Variants in STK32B observed in about 807,000 individuals in gnomAD.
STK32B encodes the protein serine/threonine kinase 32B, also known as serine/threonine-protein kinase 32B.
In STK32B, 43 loss-of-function variants were observed where a neutral mutation model predicts 52.6. The ratio of observed to expected loss-of-function variants is 0.82; its 90% CI spans 0.64 to 1.05. The LOEUF is 1.05. Ranked by LOEUF, STK32B falls within the 50% of genes least tolerant of loss-of-function variation. The pLI, the probability that STK32B is intolerant of heterozygous loss-of-function variation, is 0.00. For synonymous variants in STK32B, 238 were observed against 204.3 expected, an observed-to-expected ratio of 1.17 and a Z score of -1.41; for missense variants, 621 against 534.6, an observed-to-expected ratio of 1.16 and a Z score of -1.59.
intron 2 of STK32B, among the ~76,000 whole-genome samples, chr4:5,144,522 A>ATACTTGTGTATACTG (rs1716752555): frequency 1.3e-5 from 2 of 152,180 alleles, no homozygotes; most frequent in Non-Finnish European, 2.9e-5. Flanking sequence ...TGGGACAGGC[A>ATACTTGTGTATACTG]GGGCTGTTGT....
chr4:5,272,510 C>T (rs1446858219), intron 3 of STK32B, among the ~76,000 whole-genome samples: 1 of 149,458 alleles, frequency 6.7e-6, no homozygotes, highest in African/African-American at 2.5e-5. Context: ...CAGAATGATG[C>T]TGGCCTCATA....
intron 6 of STK32B, among the ~76,000 whole-genome samples, chr4:5,441,337 A>G (rs1390602123): frequency 1.3e-5 from 2 of 149,910 alleles, no homozygotes; most frequent in African/African-American, 4.9e-5. Flanking sequence ...GTCTTGGGAG[A>G]GTGTATGTGT....
intron 3 of STK32B, among the ~76,000 whole-genome samples, chr4:5,265,838 C>T (rs1190594612): frequency 6.6e-6 from 1 of 151,956 alleles, no homozygotes; most frequent in Non-Finnish European, 1.5e-5. Context: ...TTTTCCTTGT[C>T]ATAGCATTGT....
intron 11 of STK32B, among the ~76,000 whole-genome samples, chr4:5,498,182 C>T (rs565893414): frequency 4.5e-4 from 68 of 152,284 alleles, no homozygotes; most frequent in African/African-American, 1.6e-3. Context: ...CCTCCTTAAA[C>T]GTCTCCATTC....
chr4:5,500,794 C>T lies in STK32B; in HGVS notation c.*1711C>T, dbSNP rs1560103380. 6.6e-6 allele frequency: 1 copy of T among 152,154 alleles called. No individual in the cohort carries two copies. The highest frequency in any genetic ancestry group is 1.5e-5 in the Non-Finnish European group (1 of 68,032). 9.4% of individuals were successfully genotyped at this position (152,154 alleles called of 1,614,324 possible). ...TGTCCCCATCAACAACCGTCCTGCT[C>T]CCCACCTCCCCCAGGAAATAAGGGG... On this transcript the variant is annotated 3_prime_UTR_variant, in exon 12 of 12. Transcript: ENST00000282908.
At chr4:5,066,674 A>C (rs1307768712) in intron 1 of STK32B, among the ~76,000 whole-genome samples, 1 of 152,170 alleles carries the variant, frequency 6.6e-6, no homozygotes, top group Non-Finnish European at 1.5e-5. Flanking sequence ...ACTGTCCCAT[A>C]AACTTAGCTA....
At chr4:5,438,937 A>T (rs940440399) in intron 6 of STK32B, among the ~76,000 whole-genome samples, 1 of 151,636 alleles carries the variant, frequency 6.6e-6, no homozygotes, top group African/African-American at 2.4e-5. Context: ...TGAACTCATC[A>T]TTTTTTATGG....
At chr4:5,289,564 A>G (rs1728755721) in intron 3 of STK32B, among the ~76,000 whole-genome samples, 1 of 152,044 alleles carries the variant, frequency 6.6e-6, no homozygotes, top group African/African-American at 2.4e-5. Flanking sequence ...TGAAAATGTG[A>G]TAACTCTTTA....
intron 1 of STK32B, among the ~76,000 whole-genome samples, chr4:5,069,139 G>C (rs1711601206): frequency 6.6e-6 from 1 of 151,920 alleles, no homozygotes; most frequent in African/African-American, 2.4e-5. Context: ...GGTCTGCAAG[G>C]TATGCCCAGC....
In STK32B at chr4:5,332,134, C is replaced by G. The variant is rs79674612; in HGVS notation, c.434+741C>G. On this transcript the variant is annotated intron_variant, in intron 4 of 11. Coordinates refer to ENST00000282908, the MANE Select transcript of STK32B (RefSeq NM_018401.3). Reference sequence around the variant, plus strand: ...TTGGAAAAGATGAGGACTTGAACTTCTAGGTAAAGATGACAGATTAAGCAT... The same window carrying G: ...TTGGAAAAGATGAGGACTTGAACTTGTAGGTAAAGATGACAGATTAAGCAT... 4.0e-3 allele frequency among the ~76,000 whole-genome samples: 606 copies of G among 152,240 alleles called. 1 individual carries two copies. Among genetic ancestry groups the G allele is most frequent in the African/African-American group, 0.013 (534 of 41,546 alleles).
At chr4:5,465,172 C>G (rs1208686349) in intron 9 of STK32B, among the ~76,000 whole-genome samples, 15 of 152,118 alleles carry the variant, frequency 9.9e-5, no homozygotes, top group Non-Finnish European at 1.3e-4. Context: ...CTCCATTAGC[C>G]CACGAATGAC....
At chr4:5,431,817 C>A (rs1282464384) in intron 6 of STK32B, among the ~76,000 whole-genome samples, 2 of 152,206 alleles carry the variant, frequency 1.3e-5, no homozygotes, top group African/African-American at 4.8e-5. Flanking sequence ...AATATGTAAG[C>A]GTGTGACACC....
At chr4:5,445,842 C>A (rs1416164023) in intron 6 of STK32B, among the ~76,000 whole-genome samples, 2 of 151,946 alleles carry the variant, frequency 1.3e-5, no homozygotes, top group Non-Finnish European at 2.9e-5. Context: ...CCACCCACAG[C>A]CCCTAGCAAC....
chr4:5,239,761 A>AT (rs200618799), intron 3 of STK32B, among the ~76,000 whole-genome samples: 8,949 of 147,636 alleles, frequency 0.061, 494 homozygotes, highest in African/African-American at 0.15. Context: ...AAGAGTCAGA[A>AT]TTTTTTTTTT....
chr4:5,085,718 G>T (rs754486051), intron 1 of STK32B, among the ~76,000 whole-genome samples: 4 of 152,138 alleles, frequency 2.6e-5, no homozygotes, highest in Non-Finnish European at 5.9e-5. Context: ...TTAACCAAAG[G>T]CTTAGACAAC....
chr4:5,337,596 A>G (rs1732793112), intron 4 of STK32B, among the ~76,000 whole-genome samples: 1 of 152,086 alleles, frequency 6.6e-6, no homozygotes, highest in African/African-American at 2.4e-5. Context: ...TGGATCAGAG[A>G]CCCCGGGAGA....
At chr4:5,220,450 T>C (rs903709886) in intron 3 of STK32B, among the ~76,000 whole-genome samples, 1 of 152,232 alleles carries the variant, frequency 6.6e-6, no homozygotes, top group Admixed American at 6.5e-5. Context: ...ATAAGGCTTC[T>C]GGATGAAATT....
At chr4:5,161,427 G>C (rs1718436824) in intron 2 of STK32B, among the ~76,000 whole-genome samples, 1 of 152,220 alleles carries the variant, frequency 6.6e-6, no homozygotes, top group African/African-American at 2.4e-5. Flanking sequence ...CAGCATCTCT[G>C]AGACTTTCTT....
chr4:5,176,023 G>A (rs144166662), intron 3 of STK32B, among the ~76,000 whole-genome samples: 9 of 152,316 alleles, frequency 5.9e-5, no homozygotes, highest in South Asian at 2.1e-4. Flanking sequence ...CCCAAGCCTC[G>A]CTGTGGCCTT....
Sources: allele counts gnomAD v4.1 joint callset (sites outside exome capture counted in the v4.1 genomes callset), GRCh38; gene constraint gnomAD v4.1.1; transcripts MANE v1.5; gene names NCBI Gene and HGNC (gene_info 2026-07-23, HGNC 2026-07-21).